The following DOCK5 variants were observed in gnomAD, a reference collection of about 807,000 sequenced individuals.
DOCK5 encodes the protein dedicator of cytokinesis protein 5.
A neutral mutation model predicts 251.8 loss-of-function variants in DOCK5; 142 were observed. The ratio of observed to expected loss-of-function variants is 0.56; its 90% confidence interval spans 0.49 to 0.65. The LOEUF is 0.65. Ranked by LOEUF, DOCK5 falls within the 30% of genes least tolerant of loss-of-function variation. The probability of loss-of-function intolerance (pLI) is 0.00; values close to 1 mark genes in which losing one functional copy is unlikely to be tolerated. For synonymous variants in DOCK5, 842 were observed against 835.5 expected (o/e 1.01, Z -0.13); for missense variants, 2,111 against 2,312.3 (o/e 0.91, Z 1.79).
intron 18 of DOCK5, among the ~76,000 whole-genome samples, chr8:25,328,961 G>A (rs769765996): frequency 7.9e-4 from 120 of 152,268 alleles, no homozygotes; most frequent in Non-Finnish European, 3.2e-4. Context: ...CTCCTAAGTC[G>A]TGGACTTGTA....
At chr8:25,326,767 A>T (rs576853995) in intron 18 of DOCK5, among the ~76,000 whole-genome samples, 2 of 152,352 alleles carry the variant, frequency 1.3e-5, no homozygotes, top group South Asian at 4.1e-4. Flanking sequence ...ACGAAGATTT[A>T]TGTACAAGGA....
chr8:25,193,381 C>CT (rs201838354), intron 1 of DOCK5, among the ~76,000 whole-genome samples: 17,489 of 142,754 alleles, frequency 0.12, 1,500 homozygotes, highest in African/African-American at 0.25. Context: ...CACATTACAG[C>CT]TTTTTTTTTT....
intron 1 of DOCK5, among the ~76,000 whole-genome samples, chr8:25,193,027 T>C (rs543840703): frequency 6.6e-6 from 1 of 152,310 alleles, no homozygotes; most frequent in African/African-American, 2.4e-5. Flanking sequence ...CTGCTTTTTC[T>C]TCATTAAAAA....
chr8:25,382,055 C>G (rs1801077003), intron 39 of DOCK5, among the ~76,000 whole-genome samples: 1 of 152,110 alleles, frequency 6.6e-6, no homozygotes, highest in Admixed American at 6.6e-5. Flanking sequence ...ACTCTGTCAC[C>G]CAGGCTGGAG....
chr8:25,213,192 A>G (rs1022497863), intron 1 of DOCK5, among the ~76,000 whole-genome samples: 1 of 151,994 alleles, frequency 6.6e-6, no homozygotes, highest in Non-Finnish European at 1.5e-5. Context: ...GCCCAGACCT[A>G]GGAAACGGGG....
intron 1 of DOCK5, among the ~76,000 whole-genome samples, chr8:25,197,602 T>TTTTTTTG: frequency 1.2e-5 from 1 of 84,930 alleles, no homozygotes; most frequent in African/African-American, 3.4e-5. Context: ...TTTTTTTTTT[T>TTTTTTTG]GAGAAGGAGT....
At position 25,380,295 on chromosome 8, in the gene DOCK5, T is replaced by G. The variant is rs753619523; in HGVS notation, c.3937-10T>G. 15 of 1,605,208 alleles carry G rather than the reference T, an allele frequency of 9.3e-6. No homozygotes were observed. The highest frequency in any genetic ancestry group is 1.3e-5 in the Non-Finnish European group (15 of 1,175,608). ...TCTCCACTTTTAACCTTACTTTCCT[T>G]TTTCTGAAGATGTGGGAGAAGGCCA... On this transcript the variant is annotated splice_polypyrimidine_tract_variant and intron_variant, in intron 38 of 51. Coordinates refer to ENST00000276440, the MANE Select transcript of DOCK5 (RefSeq NM_024940.8).
intron 11 of DOCK5, chr8:25,304,869 A>G (rs970303730): frequency 2.0e-5 from 3 of 152,602 alleles, no homozygotes; most frequent in African/African-American, 7.2e-5. Flanking sequence ...CCCATGGGCC[A>G]GTGTTCCTGC....
At chr8:25,325,966 T>A (rs1805554431) in intron 18 of DOCK5, among the ~76,000 whole-genome samples, 1 of 152,128 alleles carries the variant, frequency 6.6e-6, no homozygotes, top group Admixed American at 6.6e-5. Context: ...GGCTTCCTGT[T>A]TGAGTTCTGT....
intron 3 of DOCK5, among the ~76,000 whole-genome samples, chr8:25,273,260 G>T (rs1203415928): frequency 6.6e-6 from 1 of 152,102 alleles, no homozygotes; most frequent in African/African-American, 2.4e-5. Context: ...AGTGCCTGCT[G>T]CATGCCTGGC....
chr8:25,287,843 C>T (rs1325293528), intron 5 of DOCK5, among the ~76,000 whole-genome samples: 1 of 150,218 alleles, frequency 6.7e-6, no homozygotes, highest in Non-Finnish European at 1.5e-5. Context: ...AGGAGAGCAA[C>T]TGGAGAGAGA....
At chr8:25,363,377 C>T (rs73218161) in intron 29 of DOCK5, among the ~76,000 whole-genome samples, 5,353 of 152,320 alleles carry the variant, frequency 0.035, 134 homozygotes, top group Non-Finnish European at 0.058. Flanking sequence ...CTTCAGTGCT[C>T]TCATGGTAAT....
chr8:25,185,621 T>C (rs903091216), intron 1 of DOCK5, among the ~76,000 whole-genome samples: 4 of 151,808 alleles, frequency 2.6e-5, no homozygotes, highest in East Asian at 1.9e-4. Flanking sequence ...CTGGAGAGGG[T>C]GTAAGGCTGC....
In DOCK5 at chr8:25,298,946, A is replaced by C; in HGVS notation, c.609A>C (p.Ser203=). The change falls in exon 8 of 52, where the codon TCA becomes TCC. Residue 203 remains serine, a splice_region_variant and synonymous_variant. Transcript: ENST00000276440. ...TTCTCTGTTCCCTCTTTGTTCAGTC[A>C]ATCCTGCAGAACCTCGATTTGCGGG... The part of the protein sequence containing the change: ...RIEEKIQEEK[S]ILQNLDLRGQ... 1 of 1,606,036 alleles carries C rather than the reference A, an allele frequency of 6.2e-7. No homozygotes were observed. The highest frequency in any genetic ancestry group is 8.5e-7 in the Non-Finnish European group (1 of 1,177,338).
At position 25,408,908 on chromosome 8, in the gene DOCK5, C is replaced by T. The variant is rs1801569822; in HGVS notation, c.5372C>T (p.Pro1791Leu). The T allele has an allele frequency of 1.2e-6, 2 of 1,613,852 alleles. No individual in the cohort carries two copies. The highest frequency in any genetic ancestry group is 2.7e-5 in the African/African-American group (2 of 74,902). The change falls in exon 50 of 52, where the codon CCT becomes CTT. Residue 1791 changes from proline (P) to leucine (L), a missense_variant. This residue lies in a region of DOCK5 where 1,717 missense variants were observed against 1,892.4 expected (regional missense o/e 0.91). Transcript: ENST00000276440. ...CCTCAGTCAACACCCTTGAGCCCAC[C>T]TCCACTCACTCCCAAAGCCACCAGG... is the stretch of plus-strand genomic sequence containing the variant. ...SPPQSTPLSP[P>L]PLTPKATRTL...
chr8:25,235,604 A>G (rs1460829065), intron 1 of DOCK5, among the ~76,000 whole-genome samples: 1 of 151,864 alleles, frequency 6.6e-6, no homozygotes, highest in Admixed American at 6.6e-5. Context: ...TCCTGCTGTA[A>G]GCATTTCATA....
chr8:25,382,606 C>A, intron 39 of DOCK5, 68 bp from the exon 40 acceptor site: 2 of 1,294,570 alleles, frequency 1.5e-6, no homozygotes, highest in Non-Finnish European at 2.2e-6. Context: ...AAAACAAAGT[C>A]TGACTTTTTT....
intron 1 of DOCK5, among the ~76,000 whole-genome samples, chr8:25,234,467 T>C (rs1003049996): frequency 6.6e-6 from 1 of 152,250 alleles, no homozygotes; most frequent in Non-Finnish European, 1.5e-5. Context: ...TTTCCTTCAT[T>C]ATTAAAGACT....
intron 1 of DOCK5, among the ~76,000 whole-genome samples, chr8:25,204,418 T>C (rs1478055981): frequency 6.6e-6 from 1 of 152,188 alleles, no homozygotes; most frequent in Non-Finnish European, 1.5e-5. Context: ...AGCTTAGTTT[T>C]TCCATCTGCA....
Sources: allele counts gnomAD v4.1 joint callset (sites outside exome capture counted in the v4.1 genomes callset), GRCh38; gene constraint gnomAD v4.1.1; regional missense constraint gnomAD v4.1.1; transcripts MANE v1.5; gene names NCBI Gene and HGNC (gene_info 2026-07-23, HGNC 2026-07-21).